The following ASIC2 variants were observed in gnomAD, a reference collection of about 807,000 sequenced individuals.
ASIC2 encodes the protein acid sensing ion channel subunit 2.
A neutral mutation model predicts 57.3 loss-of-function variants in ASIC2; 25 were observed. The observed-to-expected ratio is 0.44, with a 90% CI of 0.32 to 0.61. The LOEUF (loss-of-function observed/expected upper bound fraction) is 0.61. Ranked by LOEUF, ASIC2 falls within the 20% of genes least tolerant of loss-of-function variation. The pLI is 0.06. For synonymous variants in ASIC2, 319 were observed against 307.5 expected, an observed-to-expected ratio of 1.04 and a Z score of -0.39; for missense variants, 641 against 738.1, an observed-to-expected ratio of 0.87 and a Z score of 1.52.
intron 1 of ASIC2, among the ~76,000 whole-genome samples, chr17:33,770,400 G>C (rs1295795598): frequency 6.6e-6 from 1 of 152,216 alleles, no homozygotes; most frequent in African/African-American, 2.4e-5. Context: ...ACAGCACCTA[G>C]ACAGTGGCTG....
chr17:33,865,760 A>T (rs202174704), intron 1 of ASIC2, among the ~76,000 whole-genome samples: 10 of 87,718 alleles, frequency 1.1e-4, no homozygotes, highest in East Asian at 1.2e-3. Context: ...AAAAAAAAAT[A>T]AAAAAAAAAA....
chr17:33,337,025 T>C (rs1231766479), intron 1 of ASIC2, among the ~76,000 whole-genome samples: 1 of 152,074 alleles, frequency 6.6e-6, no homozygotes, highest in African/African-American at 2.4e-5. Context: ...CAGCTCCGTT[T>C]CTTCTAATTT....
intron 3 of ASIC2, among the ~76,000 whole-genome samples, chr17:33,087,409 C>T (rs2092138459): frequency 6.6e-6 from 1 of 152,106 alleles, no homozygotes; most frequent in Non-Finnish European, 1.5e-5. Flanking sequence ...CCTGCTCCTG[C>T]ATCAAAGCTG....
intron 1 of ASIC2, among the ~76,000 whole-genome samples, chr17:33,674,593 T>C (rs1160975384): frequency 6.6e-6 from 1 of 152,222 alleles, no homozygotes; most frequent in African/African-American, 2.4e-5. Context: ...CAAAATACTA[T>C]TTTCTTCACT....
chr17:33,510,658 T>TA (rs1003546320), intron 1 of ASIC2, among the ~76,000 whole-genome samples: 1 of 152,164 alleles, frequency 6.6e-6, no homozygotes, highest in African/African-American at 2.4e-5. Flanking sequence ...TTAAATTTTT[T>TA]AAAAAAAAGA....
chr17:33,815,944 G>A (rs1912566983), intron 1 of ASIC2, among the ~76,000 whole-genome samples: 1 of 152,176 alleles, frequency 6.6e-6, no homozygotes, highest in Non-Finnish European at 1.5e-5. Context: ...CAGTCTACGG[G>A]GGAGGATAGA....
chr17:33,975,755 T>G (rs758598254), intron 1 of ASIC2, among the ~76,000 whole-genome samples: 1 of 152,118 alleles, frequency 6.6e-6, no homozygotes, highest in Non-Finnish European at 1.5e-5. Flanking sequence ...GCCCTGTCAA[T>G]GATGTTTGCC....
chr17:33,950,044 G>T (rs763022296), intron 1 of ASIC2, among the ~76,000 whole-genome samples: 1 of 152,188 alleles, frequency 6.6e-6, no homozygotes, highest in Non-Finnish European at 1.5e-5. Flanking sequence ...TGCAAGACCT[G>T]GGTCTTGGAG....
At chr17:33,036,699 T>G (rs1330814280) in intron 3 of ASIC2, among the ~76,000 whole-genome samples, 1 of 152,214 alleles carries the variant, frequency 6.6e-6, no homozygotes, top group Non-Finnish European at 1.5e-5. Flanking sequence ...TGAGTCATCA[T>G]GCCCAGCCTT....
chr17:33,677,934 CGTGGGTAAACT>C (rs1907877398), intron 1 of ASIC2, among the ~76,000 whole-genome samples: 3 of 152,130 alleles, frequency 2.0e-5, no homozygotes, highest in South Asian at 4.2e-4. Context: ...GTTTTGAAGG[CGTGGGTAAACT>C]GTGGGTAAAA....
chr17:33,925,103 C>T (rs1915797033), intron 1 of ASIC2, among the ~76,000 whole-genome samples: 1 of 152,222 alleles, frequency 6.6e-6, no homozygotes, highest in Non-Finnish European at 1.5e-5. Context: ...GGGTTGATGC[C>T]TCAGGCCTTT....
chr17:33,134,840 G>T (rs1248472717), intron 1 of ASIC2, among the ~76,000 whole-genome samples: 1 of 152,208 alleles, frequency 6.6e-6, no homozygotes, highest in Non-Finnish European at 1.5e-5. Flanking sequence ...CACAAGACTG[G>T]CATTCTCAGA....
intron 1 of ASIC2, among the ~76,000 whole-genome samples, chr17:33,318,120 A>G (rs1225494708): frequency 6.6e-6 from 1 of 152,094 alleles, no homozygotes; most frequent in African/African-American, 2.4e-5. Context: ...CTCCAGCGAC[A>G]TTGCGGGGTG....
chr17:34,048,868 C>T (rs892446278), intron 1 of ASIC2, among the ~76,000 whole-genome samples: 14 of 152,210 alleles, frequency 9.2e-5, no homozygotes, highest in Non-Finnish European at 1.9e-4. Context: ...TATTGATTGA[C>T]TTGGGGGCTC....
chr17:33,852,975 C>A (rs1913814975), intron 1 of ASIC2, among the ~76,000 whole-genome samples: 1 of 152,108 alleles, frequency 6.6e-6, no homozygotes, highest in Non-Finnish European at 1.5e-5. Context: ...GAGGAGTTCA[C>A]CCTAAAGCCT....
intron 1 of ASIC2, among the ~76,000 whole-genome samples, chr17:33,570,123 T>C (rs1490506014): frequency 6.6e-6 from 1 of 152,198 alleles, no homozygotes; most frequent in Non-Finnish European, 1.5e-5. Flanking sequence ...TCCTGGGTGA[T>C]CTACCCCTTC....
intron 1 of ASIC2, among the ~76,000 whole-genome samples, chr17:33,229,256 C>T (rs745846038): frequency 7.9e-5 from 12 of 152,122 alleles, no homozygotes; most frequent in Non-Finnish European, 1.5e-4. Context: ...ATAAGCCCTA[C>T]GGAAATTACA....
At chr17:33,982,509 T>C (rs957660196) in intron 1 of ASIC2, among the ~76,000 whole-genome samples, 4 of 152,194 alleles carry the variant, frequency 2.6e-5, no homozygotes, top group African/African-American at 9.6e-5. Flanking sequence ...AGCGTTGCTA[T>C]GGGTTCTGTG....
At chr17:34,040,324 G>C (rs1012308633) in intron 1 of ASIC2, among the ~76,000 whole-genome samples, 3 of 148,172 alleles carry the variant, frequency 2.0e-5, no homozygotes, top group African/African-American at 7.6e-5. Context: ...GGTTCGGTCC[G>C]GATTAGTAGT....
Sources: gnomAD v4.1 joint callset for allele counts (sites outside exome capture counted in the v4.1 genomes callset) on GRCh38, gnomAD v4.1.1 for gene constraint, MANE v1.5 for transcripts, NCBI Gene and HGNC (gene_info 2026-07-23, HGNC 2026-07-21) for gene names.